The following DAB1 variants were observed in gnomAD, a reference collection of about 807,000 sequenced individuals.
DAB1 encodes disabled homolog 1.
DAB1 carries 15 observed loss-of-function variants against 64.6 expected under a neutral mutation model. That is an observed-to-expected ratio of 0.23 (90% CI 0.16 to 0.36). The LOEUF is 0.36. Among genes scored for constraint, DAB1 ranks in the 10% least tolerant of loss-of-function variants. DAB1 has a pLI of 1.00. For synonymous variants in DAB1, 235 were observed against 251.9 expected (o/e 0.93, Z 0.64); for missense variants, 596 against 706.7 (o/e 0.84, Z 1.78).
intron 2 of DAB1, among the ~76,000 whole-genome samples, chr1:57,243,991 T>G (rs981334761): frequency 6.6e-6 from 1 of 152,146 alleles, no homozygotes; most frequent in African/African-American, 2.4e-5. Context: ...CACTTTCACA[T>G]TCCTCCTTTC....
chr1:58,042,406 T>C (rs950983144), intron 5 of DAB1, among the ~76,000 whole-genome samples: 4 of 152,154 alleles, frequency 2.6e-5, no homozygotes, highest in Admixed American at 1.3e-4. Context: ...TGTTAGACAC[T>C]AGGAACATAG....
chr1:57,301,990 C>G (rs920108115), intron 1 of DAB1, among the ~76,000 whole-genome samples: 1 of 152,186 alleles, frequency 6.6e-6, no homozygotes, highest in Non-Finnish European at 1.5e-5. Flanking sequence ...TCTTCTCGCT[C>G]TCCTCAAACA....
chr1:57,928,419 A>C (rs975734877), intron 5 of DAB1, among the ~76,000 whole-genome samples: 1 of 152,110 alleles, frequency 6.6e-6, no homozygotes, highest in Non-Finnish European at 1.5e-5. Flanking sequence ...AGAGAAGTAC[A>C]TTTGTTACAA....
intron 2 of DAB1, among the ~76,000 whole-genome samples, chr1:57,270,368 T>C (rs1441582213): frequency 6.6e-6 from 1 of 152,346 alleles, no homozygotes; most frequent in African/African-American, 2.4e-5. Flanking sequence ...ACAATTTATT[T>C]AAAGTTACTC....
At chr1:57,457,547 T>C (rs1322210138) in intron 7 of DAB1, among the ~76,000 whole-genome samples, 67 of 152,146 alleles carry the variant, frequency 4.4e-4, no homozygotes, top group Admixed American at 4.4e-3. Context: ...GAAAATCCAT[T>C]TGGCATTCTC....
chr1:58,375,189 T>C (rs1298413524), intron 3 of DAB1, among the ~76,000 whole-genome samples: 3 of 149,482 alleles, frequency 2.0e-5, no homozygotes, highest in Middle Eastern at 3.4e-3. Context: ...TCCTGCCTAA[T>C]TGCCCTGGCC....
At chr1:58,216,324 C>T (rs765431549) in intron 4 of DAB1, among the ~76,000 whole-genome samples, 1 of 152,178 alleles carries the variant, frequency 6.6e-6, no homozygotes, top group Non-Finnish European at 1.5e-5. Context: ...ATGATGGTTT[C>T]TAGCTTCATC....
chr1:58,048,882 G>T, intron 5 of DAB1: 1 of 926,094 alleles, frequency 1.1e-6, no homozygotes, highest in Non-Finnish European at 1.8e-6. Flanking sequence ...GCCTCAGTCA[G>T]TCATGATTTC....
intron 2 of DAB1, among the ~76,000 whole-genome samples, chr1:57,248,304 T>C (rs1478522286): frequency 6.6e-6 from 1 of 152,110 alleles, no homozygotes; most frequent in East Asian, 1.9e-4. Flanking sequence ...AACCTGAGAA[T>C]GCCAAACCTG....
intron 7 of DAB1, among the ~76,000 whole-genome samples, chr1:57,579,805 A>G (rs959468480): frequency 1.3e-5 from 2 of 152,186 alleles, no homozygotes; most frequent in African/African-American, 4.8e-5. Flanking sequence ...TGGTGTTTTA[A>G]TCATATTACC....
In DAB1 at chr1:57,960,284, C is replaced by T. The variant is rs151231804; in HGVS notation, n.388-76122G>A. Among the ~76,000 whole-genome samples, 340 of 152,260 alleles carry T rather than the reference C, an allele frequency of 2.2e-3. 4 individuals are homozygous for T. The highest frequency in any genetic ancestry group is 7.8e-3 in the African/African-American group (323 of 41,566). On this transcript the variant is annotated intron_variant and non_coding_transcript_variant, in intron 5 of 20. Coordinates refer to the DAB1 transcript ENST00000485760. ...TTACTGTGTGTTATCATTCAAATTA[C>T]TATGTTTCACTGTCTGAGCCCAAAA...
In DAB1 at chr1:56,996,712, T is replaced by A. The variant is rs1281514732; in HGVS notation, c.*1432A>T. On this transcript the variant is annotated 3_prime_UTR_variant, in exon 15 of 15. Coordinates refer to ENST00000371236, the MANE Select transcript of DAB1 (RefSeq NM_001365792.1). Reference sequence around the variant, plus strand: ...GTTCACTAGCTGCTGATTGGCCAACTGCTCCTGCCAGCTGTCCCTGCACTC... The same window carrying A: ...GTTCACTAGCTGCTGATTGGCCAACAGCTCCTGCCAGCTGTCCCTGCACTC... 1.3e-5 allele frequency: 2 copies of A among 152,440 alleles called. No homozygotes were observed. The highest frequency in any genetic ancestry group is 4.8e-5 in the African/African-American group (2 of 41,446). The allele number at this position is 152,440 out of a possible 1,614,324, so 9.4% of individuals were successfully genotyped here.
intron 8 of DAB1, among the ~76,000 whole-genome samples, chr1:57,063,727 T>A (rs887040651): frequency 2.0e-5 from 3 of 152,234 alleles, no homozygotes; most frequent in Non-Finnish European, 4.4e-5. Flanking sequence ...ACCATAATAC[T>A]GTAATGTGTT....
intron 5 of DAB1, among the ~76,000 whole-genome samples, chr1:57,954,660 C>G (rs1402148059): frequency 2.6e-5 from 4 of 152,190 alleles, no homozygotes; most frequent in African/African-American, 9.7e-5. Flanking sequence ...GCTTAAATTC[C>G]TTTGAATATA....
intron 6 of DAB1, among the ~76,000 whole-genome samples, chr1:57,779,303 C>T (rs901324466): frequency 3.9e-5 from 6 of 151,976 alleles, no homozygotes; most frequent in African/African-American, 1.4e-4. Flanking sequence ...TGAGAATGAG[C>T]ACATTTATTA....
chr1:58,138,564 C>T (rs946321839), intron 5 of DAB1, among the ~76,000 whole-genome samples: 1 of 152,144 alleles, frequency 6.6e-6, no homozygotes, highest in African/African-American at 2.4e-5. Flanking sequence ...GGGATCTGAT[C>T]ATGGGGCACT....
At chr1:57,054,054 A>G (rs1649493936) in intron 9 of DAB1, among the ~76,000 whole-genome samples, 1 of 152,176 alleles carries the variant, frequency 6.6e-6, no homozygotes, top group South Asian at 2.1e-4. Flanking sequence ...ACTGATAATT[A>G]GAAAGTCTTT....
intron 2 of DAB1, among the ~76,000 whole-genome samples, chr1:58,515,225 T>C (rs1646141112): frequency 6.6e-6 from 1 of 152,196 alleles, no homozygotes; most frequent in Non-Finnish European, 1.5e-5. Context: ...AAATGCAACA[T>C]AATCTTGAGA....
At chr1:57,256,883 C>T (rs1178092049) in intron 2 of DAB1, among the ~76,000 whole-genome samples, 1 of 152,312 alleles carries the variant, frequency 6.6e-6, no homozygotes, top group South Asian at 2.1e-4. Flanking sequence ...CTCCAGTAAG[C>T]CCTGGCAGTC....
Sources: gnomAD v4.1 joint callset for allele counts (sites outside exome capture counted in the v4.1 genomes callset) on GRCh38, gnomAD v4.1.1 for gene constraint, MANE v1.5 for transcripts, NCBI Gene and HGNC (gene_info 2026-07-23, HGNC 2026-07-21) for gene names.